HYDIN: variants seen among roughly 807,000 people sequenced by gnomAD.
HYDIN encodes HYDIN axonemal central pair apparatus protein.
In HYDIN, 132 loss-of-function variants were observed where a neutral mutation model predicts 403.9. The ratio of observed to expected loss-of-function variants is 0.33; its 90% CI spans 0.28 to 0.38. HYDIN has a LOEUF of 0.38. Among genes scored for constraint, HYDIN ranks in the 10% least tolerant of loss-of-function variants. HYDIN has a pLI of 1.00. For missense variants in HYDIN, 2,827 were observed against 5,009.5 expected, an observed-to-expected ratio of 0.56 and a Z score of 13.15; for synonymous variants, 1,202 against 1,891.7, an observed-to-expected ratio of 0.64 and a Z score of 9.46.
chr16:71,204,195 G>A (rs1384216518), intron 1 of HYDIN: 3 of 154,694 alleles, frequency 1.9e-5, no homozygotes, highest in African/African-American at 7.2e-5. Context: ...TTAATAGTTT[G>A]CAAACATTAT....
intron 18 of HYDIN, among the ~76,000 whole-genome samples, chr16:71,060,266 A>G (rs1809037908): frequency 6.6e-6 from 1 of 152,200 alleles, no homozygotes; most frequent in Non-Finnish European, 1.5e-5. Context: ...AAAAAGTATT[A>G]TAATAGACAT....
intron 18 of HYDIN, among the ~76,000 whole-genome samples, chr16:71,042,941 C>T (rs11863169): frequency 5.3e-5 from 8 of 151,226 alleles, no homozygotes; most frequent in South Asian, 2.1e-4. Flanking sequence ...TTGCTGAATC[C>T]GCGCCTTCCT....
At chr16:70,855,328 T>A (rs1322760882) in intron 72 of HYDIN, 53 bp from the exon 73 acceptor site, 1 of 1,010,914 alleles carries the variant, frequency 9.9e-7, no homozygotes, top group East Asian at 2.5e-5. Context: ...CCTGCTGGAG[T>A]CTCTCAGCAG....
chr16:70,912,717 CT>C (rs2076727119), intron 47 of HYDIN, among the ~76,000 whole-genome samples: 1 of 149,644 alleles, frequency 6.7e-6, no homozygotes, highest in Non-Finnish European at 1.5e-5. Flanking sequence ...ATCCATTCTT[CT>C]TTGAATGTCT....
chr16:70,887,805 T>A (rs1223901903), intron 58 of HYDIN, among the ~76,000 whole-genome samples: 1 of 150,954 alleles, frequency 6.6e-6, no homozygotes, highest in African/African-American at 2.4e-5. Flanking sequence ...TGCCTCAGCC[T>A]CTCGAGTAGC....
chr16:71,017,333 A>T (rs2080296183), intron 23 of HYDIN, among the ~76,000 whole-genome samples: 2 of 139,824 alleles, frequency 1.4e-5, no homozygotes, highest in South Asian at 4.9e-4. Context: ...CTGGGCGACA[A>T]GAGCGAAACT....
At chr16:70,869,885 G>A (rs2039993751) in intron 65 of HYDIN, among the ~76,000 whole-genome samples, 1 of 152,048 alleles carries the variant, frequency 6.6e-6, no homozygotes, top group African/African-American at 2.4e-5. Flanking sequence ...ACAGGAAAAT[G>A]TGGGAAAGTT....
At chr16:70,931,208 C>CTTT (rs2077313550) in intron 45 of HYDIN, among the ~76,000 whole-genome samples, 181 of 78,024 alleles carry the variant, frequency 2.3e-3, no homozygotes, top group East Asian at 2.8e-3. Flanking sequence ...TCTCTTTCTT[C>CTTT]TGTTTTTTTT....
rs527833804 is a variant in HYDIN, at chr16:70,888,738, C to T, written c.9774+849G>A. 1.4e-4 allele frequency among the ~76,000 whole-genome samples: 21 copies of T among 152,238 alleles called. 1 individual carries two copies. The South Asian group carries it at 4.4e-3, about 32-fold the overall frequency. On this transcript the variant is annotated intron_variant, in intron 58 of 85. Coordinates refer to ENST00000393567, the MANE Select transcript of HYDIN (RefSeq NM_001270974.2). ...TGGTATTCGACCTTCTCCGACGCCA[C>T]CCTGGCAAGGGGGTGGGGCACCTCA...
intron 23 of HYDIN, among the ~76,000 whole-genome samples, chr16:71,009,094 A>G (rs1371215300): frequency 6.7e-6 from 1 of 148,176 alleles, no homozygotes; most frequent in African/African-American, 2.5e-5. Flanking sequence ...GTTGAGGGAC[A>G]CAGGATTCAA....
At chr16:70,949,721 C>A (rs1052431518) in intron 41 of HYDIN, among the ~76,000 whole-genome samples, 8 of 152,172 alleles carry the variant, frequency 5.3e-5, no homozygotes, top group African/African-American at 1.9e-4. Flanking sequence ...TTGTCCAGAT[C>A]ATTTGAGTCT....
At position 70,860,589 on chromosome 16, in the gene HYDIN, G is replaced by A. The variant is rs535613807; in HGVS notation, c.11990+100C>T. On this transcript the variant is annotated intron_variant, in intron 70 of 85. Transcript: ENST00000393567. ...AACTCAGGTCAAACCCCAGGATATC[G>A]AGCCTGCTTATAGGAATAGGTCTAG... 185 of 404,058 alleles carry A rather than the reference G, an allele frequency of 4.6e-4. 10 individuals carry two copies. In the South Asian group the frequency reaches 5.8e-3, roughly 13 times the overall value. 25.0% of individuals were successfully genotyped at this position (404,058 alleles called of 1,614,324 possible).
intron 23 of HYDIN, among the ~76,000 whole-genome samples, chr16:71,014,088 A>G (rs375187497): frequency 2.4e-4 from 36 of 151,592 alleles, no homozygotes; most frequent in African/African-American, 7.8e-4. Flanking sequence ...GAGAATCAGG[A>G]GAATACGGTG....
intron 55 of HYDIN, 42 bp from the exon 56 acceptor site, chr16:70,892,571 G>C: frequency 6.3e-7 from 1 of 1,577,202 alleles, no homozygotes; most frequent in Non-Finnish European, 8.6e-7. Flanking sequence ...TCATTATCCC[G>C]GGAACTCAAG....
At chr16:70,883,746 T>C (rs567358553) in intron 59 of HYDIN, among the ~76,000 whole-genome samples, 174 bp downstream of exon 59, 2 of 152,282 alleles carry the variant, frequency 1.3e-5, no homozygotes, top group African/African-American at 4.8e-5. Context: ...ATTTTTTGTA[T>C]TTTTAGTAGA....
intron 43 of HYDIN, among the ~76,000 whole-genome samples, chr16:70,939,637 C>G (rs1456753986): frequency 6.6e-6 from 1 of 152,010 alleles, no homozygotes; most frequent in Non-Finnish European, 1.5e-5. Context: ...TGTGATTATC[C>G]CTTAATAAGT....
chr16:71,215,233 GGGAGAAAT>G (rs896307819), intron 1 of HYDIN, among the ~76,000 whole-genome samples: 3 of 151,872 alleles, frequency 2.0e-5, no homozygotes, highest in East Asian at 1.9e-4. Context: ...AAGGGAGAAA[GGGAGAAAT>G]GGAGAAAGGA....
In HYDIN at chr16:70,879,413, G is replaced by A. The variant is rs76078590; in HGVS notation, c.10441C>T (p.Arg3481Trp). The A allele has an allele frequency of 2.2e-5, 36 of 1,600,110 alleles. No homozygotes were observed. The highest frequency in any genetic ancestry group is 4.5e-5 in the East Asian group (2 of 44,824). Residue 3481 changes from arginine (R) to tryptophan (W), a missense_variant, in exon 62 of 86, where the codon CGG (arginine) becomes TGG (tryptophan). Coordinates refer to ENST00000393567, the MANE Select transcript of HYDIN (RefSeq NM_001270974.2). ...EGNLPRVTVVRPVLHNQYGNP... is the reference protein window; with the variant it reads ...EGNLPRVTVVWPVLHNQYGNP... ...CCATATTGGTTATGAAGAACTGGCC[G>A]CACAACCGTCACTCGAGGGAGGTTC...
chr16:70,815,460 T>TA (rs1204401024), intron 84 of HYDIN, among the ~76,000 whole-genome samples: 3 of 149,942 alleles, frequency 2.0e-5, no homozygotes, highest in African/African-American at 7.4e-5. Context: ...ATGCTGTTTA[T>TA]AAAAGACACA....
Sources: allele counts gnomAD v4.1 joint callset (sites outside exome capture counted in the v4.1 genomes callset), GRCh38; gene constraint gnomAD v4.1.1; transcripts MANE v1.5; gene names NCBI Gene and HGNC (gene_info 2026-07-23, HGNC 2026-07-21).